Variants in CLPB observed in about 807,000 individuals in gnomAD.
CLPB encodes mitochondrial disaggregase.
In CLPB, 40 loss-of-function variants were observed where a neutral mutation model predicts 78.4. The observed-to-expected ratio is 0.51, with a 90% CI of 0.40 to 0.66. CLPB has a LOEUF of 0.66. CLPB is among the 30% of genes least tolerant of loss of function. CLPB has a pLI of 0.00. For missense variants in CLPB, 780 were observed against 886.9 expected (o/e 0.88, Z 1.53); for synonymous variants, 333 against 348.0 (o/e 0.96, Z 0.48).
Position 72,434,217 on chromosome 11 carries a change from G to C in CLPB, c.258C>G (p.Ala86=). The change falls in exon 1 of 16, where the codon GCC becomes GCG. Residue 86 remains alanine, a synonymous_variant. Coordinates refer to ENST00000538039, the MANE Select transcript of CLPB (RefSeq NM_001258392.3). The stretch of plus-strand genomic sequence containing the variant: ...CGGGACCAGGAAGGCGTCCCCAAGT[G>C]GCAGCCGCGAGGCATTTGGTATCGA... ...GRFDTKCLAA[A]TWGRLPGPEE... is the part of the protein sequence containing the mutation. The C allele has an allele frequency of 6.2e-7, 1 of 1,613,626 alleles. No homozygotes were observed. The highest frequency in any genetic ancestry group is 8.5e-7 in the Non-Finnish European group (1 of 1,180,000).
At chr11:72,293,985 T>C (rs765828239) in intron 15 of CLPB, 37 bp downstream of exon 15, 2 of 1,557,782 alleles carry the variant, frequency 1.3e-6, no homozygotes. Context: ...GGGAGGGAGG[T>C]GTGGAGGCGC....
At chr11:72,302,051 C>T (rs191345287) in intron 10 of CLPB, 87 bp from the exon 11 acceptor site, 1,459 of 1,467,196 alleles carry the variant, frequency 9.9e-4, no homozygotes, top group Admixed American at 2.2e-3. Flanking sequence ...TGACTTTATA[C>T]GCTATTAAGG....
intron 2 of CLPB, among the ~76,000 whole-genome samples, chr11:72,408,754 CT>C (rs952265187): frequency 6.6e-6 from 1 of 152,172 alleles, no homozygotes; most frequent in Non-Finnish European, 1.5e-5. Context: ...GGCCCCTCCC[CT>C]GCCTCCCCTC....
At chr11:72,401,275 T>G (rs1036552736) in intron 3 of CLPB, among the ~76,000 whole-genome samples, 1 of 151,862 alleles carries the variant, frequency 6.6e-6, no homozygotes, top group African/African-American at 2.4e-5. Flanking sequence ...CCATCTCTAC[T>G]AAAAATACAA....
chr11:72,387,110 C>T (rs906951556), intron 3 of CLPB, among the ~76,000 whole-genome samples: 4 of 152,010 alleles, frequency 2.6e-5, no homozygotes, highest in African/African-American at 9.7e-5. Flanking sequence ...GTATTATAAC[C>T]CATTAATTAT....
At chr11:72,313,552 T>C (rs1168911383) in intron 7 of CLPB, among the ~76,000 whole-genome samples, 1 of 152,146 alleles carries the variant, frequency 6.6e-6, no homozygotes, top group Non-Finnish European at 1.5e-5. Context: ...CTCTGGACTT[T>C]TGGAGGGAGA....
Position 72,293,414 on chromosome 11 carries a change from C to A in CLPB, c.1987G>T (p.Asp663Tyr). The part of the protein sequence containing the change: ...IDKDSKTRRL[D>Y]IRAPLHPEKV... Reference sequence around the variant, plus strand: ...TCAGGGTGCAGTGGTGCCCGGATGTCCAGTCTGCGAGTCTTGCTGTCCTTG... The same window carrying A: ...TCAGGGTGCAGTGGTGCCCGGATGTACAGTCTGCGAGTCTTGCTGTCCTTG... The change falls in exon 16 of 16, where the codon GAC (aspartate) becomes TAC (tyrosine). Residue 663 changes from aspartate (D) to tyrosine (Y), a missense_variant. Coordinates refer to ENST00000538039, the MANE Select transcript of CLPB (RefSeq NM_001258392.3). The A allele has an allele frequency of 6.2e-7, 1 of 1,614,156 alleles. No individual in the cohort carries two copies. The highest frequency in any genetic ancestry group is 2.2e-5 in the East Asian group (1 of 44,866).
chr11:72,307,300 A>T, intron 8 of CLPB, 46 bp from the exon 9 acceptor site: 1 of 1,503,402 alleles, frequency 6.7e-7, no homozygotes, highest in South Asian at 1.1e-5. Flanking sequence ...CCAGGTGACT[A>T]ACCGCTGGAA....
rs1234214536 is a variant in CLPB at position 72,290,882 on chromosome 11, T to C, written c.*2485A>G. Reference sequence around the variant, plus strand: ...TCACTTTGAACCCAGGAGGCAGAGGTTGCAGTGAGCCGAGATTGCGCCACT... The same window carrying C: ...TCACTTTGAACCCAGGAGGCAGAGGCTGCAGTGAGCCGAGATTGCGCCACT... On this transcript the variant is annotated 3_prime_UTR_variant, in exon 16 of 16. Coordinates refer to ENST00000538039, the MANE Select transcript of CLPB (RefSeq NM_001258392.3). 1.3e-5 allele frequency: 2 copies of C among 150,718 alleles called. No individual in the cohort carries two copies. Among genetic ancestry groups the C allele is most frequent in the Admixed American group, 1.3e-4 (2 of 15,186 alleles). 9.3% of individuals were successfully genotyped at this position (150,718 alleles called of 1,614,324 possible).
Position 72,302,312 on chromosome 11 carries a change from G to C in CLPB, c.1159C>G (p.Arg387Gly), listed in dbSNP as rs200203460. 1.2e-6 allele frequency: 2 copies of C among 1,613,870 alleles called. No individual in the cohort carries two copies. The highest frequency in any genetic ancestry group is 2.7e-5 in the African/African-American group (2 of 74,886). Residue 387 changes from arginine to glycine, a missense_variant, in exon 10 of 16, where the codon CGA (arginine) becomes GGA (glycine). Transcript: ENST00000538039. ...IRLDMSEFQE[R>G]HEVAKFIGSP... Reference sequence around the variant, plus strand: ...GGACTGTCATCACTCACCTCGTGTCGCTCCTGGAACTCGGACATGTCCAGC... The same window carrying C: ...GGACTGTCATCACTCACCTCGTGTCCCTCCTGGAACTCGGACATGTCCAGC...
intron 5 of CLPB, among the ~76,000 whole-genome samples, chr11:72,335,550 T>C (rs941656567): frequency 6.6e-6 from 1 of 152,180 alleles, no homozygotes; most frequent in East Asian, 1.9e-4. Context: ...AAACACCTGT[T>C]CATCTTTTAA....
At chr11:72,376,651 TA>T (rs1272259797) in intron 4 of CLPB, among the ~76,000 whole-genome samples, 2 of 94,262 alleles carry the variant, frequency 2.1e-5, no homozygotes, top group East Asian at 3.8e-4. Context: ...TTATTATTAT[TA>T]TTTTTTTTTA....
At chr11:72,417,885 G>A (rs543368651) in intron 2 of CLPB, among the ~76,000 whole-genome samples, 5 of 152,258 alleles carry the variant, frequency 3.3e-5, no homozygotes, top group African/African-American at 9.6e-5. Flanking sequence ...TGAGCCCTTG[G>A]GAATTCCGGG....
At chr11:72,360,615 T>A (rs1950820532) in intron 4 of CLPB, among the ~76,000 whole-genome samples, 2 of 152,082 alleles carry the variant, frequency 1.3e-5, no homozygotes, top group Admixed American at 1.3e-4. Context: ...TTTTGTATTT[T>A]TAGTAGAGAT....
intron 2 of CLPB, among the ~76,000 whole-genome samples, chr11:72,428,395 G>A (rs1309150719): frequency 6.6e-6 from 1 of 152,202 alleles, no homozygotes; most frequent in African/African-American, 2.4e-5. Flanking sequence ...CAGAGTAAGA[G>A]TTCAAAACTC....
At chr11:72,366,904 C>A (rs1430688974) in intron 4 of CLPB, among the ~76,000 whole-genome samples, 2 of 152,062 alleles carry the variant, frequency 1.3e-5, no homozygotes, top group East Asian at 3.9e-4. Context: ...AATCGTTCTA[C>A]CAAAAAGAAA....
At chr11:72,302,568 A>T in intron 9 of CLPB, 1 of 534,752 alleles carries the variant, frequency 1.9e-6, no homozygotes, top group South Asian at 2.0e-5. Flanking sequence ...GACCCAAATC[A>T]TGTACCTGAC....
intron 5 of CLPB, among the ~76,000 whole-genome samples, chr11:72,349,643 C>G (rs1950577691): frequency 6.6e-6 from 1 of 152,252 alleles, no homozygotes; most frequent in African/African-American, 2.4e-5. Flanking sequence ...TTGACATTCT[C>G]CTTTCTTAAA....
At chr11:72,380,151 A>G (rs1023213420) in intron 4 of CLPB, 130 bp downstream of exon 4, 1 of 693,982 alleles carries the variant, frequency 1.4e-6, no homozygotes, top group Non-Finnish European at 2.6e-6. Context: ...TGGGGTCTCC[A>G]TGAGTCCACA....
Sources: allele counts gnomAD v4.1 joint callset (sites outside exome capture counted in the v4.1 genomes callset), GRCh38; gene constraint gnomAD v4.1.1; transcripts MANE v1.5; gene names NCBI Gene and HGNC (gene_info 2026-07-23, HGNC 2026-07-21).